Variants in RPS6KA3 observed in about 807,000 individuals in gnomAD.
RPS6KA3 encodes the protein ribosomal protein S6 kinase alpha-3.
RPS6KA3 carries 4 observed loss-of-function variants against 67.2 expected under a neutral mutation model. The observed-to-expected ratio is 0.06, with a 90% CI of 0.03 to 0.14. RPS6KA3 has a LOEUF of 0.14. RPS6KA3 is among the 10% of genes least tolerant of loss of function. The pLI is 1.00. For missense variants in RPS6KA3, 204 were observed against 559.0 expected (o/e 0.36, Z 6.40); for synonymous variants, 182 against 183.7 (o/e 0.99, Z 0.07).
chrX:20,170,070 T>C (rs369780285), intron 15 of RPS6KA3, among the ~76,000 whole-genome samples: 8 of 112,374 alleles, frequency 7.1e-5, no homozygotes, highest in African/African-American at 2.6e-4. Flanking sequence ...AAATCATACC[T>C]AGCATTTTAT....
At chrX:20,181,647 TA>T (rs1034571755) in intron 10 of RPS6KA3, among the ~76,000 whole-genome samples, 2 of 111,539 alleles carry the variant, frequency 1.8e-5, no homozygotes, top group Non-Finnish European at 3.8e-5. Flanking sequence ...CAAGTATGAG[TA>T]GCAAGAACTG....
Position 20,209,320 on chromosome X carries a change from A to G in RPS6KA3, c.211T>C (p.Leu71=). The change falls in exon 3 of 22, where the codon TTA becomes CTA. Residue 71 remains leucine, a synonymous_variant. Transcript: ENST00000379565. The stretch of plus-strand genomic sequence containing the variant: ...AATGATCCCTGCCCTAATACTTTTA[A>G]AAGTTCAAACTGGGAAGGATCTGCC... ...EKADPSQFEL[L]KVLGQGSFGK... is the part of the protein sequence containing the mutation. 1 of 1,194,200 alleles carries G rather than the reference A, an allele frequency of 8.4e-7. No homozygotes were observed.
rs774405280 is a variant in RPS6KA3, at chrX:20,166,713, CTTTTTTTTTTTTT to C, written c.1602+863_1602+875del. On this transcript the variant is annotated intron_variant, in intron 17 of 21. Transcript: ENST00000379565. ...TCTCCTTTCCTCCCAGACTTCCCTT[CTTTTTTTTTTTTT>C]TTTTTTTTTGAGATGGAGTCTCACT... is the stretch of plus-strand genomic sequence containing the variant. 2.5e-5 allele frequency among the ~76,000 whole-genome samples: 2 copies of C among 81,412 alleles called. 1 individual carries two copies. The highest frequency in any genetic ancestry group is 1.0e-4 in the African/African-American group (2 of 19,087). 70.7% of individuals were successfully genotyped at this position (81,412 alleles called of 115,157 possible).
chrX:20,216,187 A>G (rs1356245795), intron 2 of RPS6KA3, among the ~76,000 whole-genome samples: 1 of 111,838 alleles, frequency 8.9e-6, no homozygotes, highest in African/African-American at 3.3e-5. Flanking sequence ...TTATTTTTAC[A>G]AAGACTGTTG....
intron 20 of RPS6KA3, among the ~76,000 whole-genome samples, chrX:20,158,291 G>A (rs186263790): frequency 7.2e-4 from 72 of 99,812 alleles, no homozygotes; most frequent in Non-Finnish European, 1.1e-3. Flanking sequence ...CTAGAGTCCA[G>A]AAGTTGGAGG....
Position 20,152,385 on chromosome X carries a change from T to C in RPS6KA3, c.*3013A>G, listed in dbSNP as rs1336550884. On this transcript the variant is annotated 3_prime_UTR_variant, in exon 22 of 22. Transcript: ENST00000379565. The stretch of plus-strand genomic sequence containing the variant: ...GAAAGGGAAGATACAAAACACATGG[T>C]AGTGTAATTCATACCTTCCAGTACG... The C allele has an allele frequency of 8.9e-6, 1 of 112,679 alleles. No individual in the cohort carries two copies. The highest frequency in any genetic ancestry group is 3.2e-5 in the African/African-American group (1 of 30,941). The allele number at this position is 112,679 out of a possible 1,213,427, so 9.3% of individuals were successfully genotyped here.
intron 2 of RPS6KA3, among the ~76,000 whole-genome samples, chrX:20,227,725 T>C (rs1316461980): frequency 2.7e-5 from 3 of 110,931 alleles, no homozygotes; most frequent in African/African-American, 9.8e-5. Context: ...TTCCACTTAA[T>C]CTAAAAGCAT....
At chrX:20,205,904 T>A (rs2068562695) in intron 3 of RPS6KA3, among the ~76,000 whole-genome samples, 1 of 112,461 alleles carries the variant, frequency 8.9e-6, no homozygotes, top group Non-Finnish European at 1.9e-5. Flanking sequence ...TCACAACCAT[T>A]TGTAATAAAT....
chrX:20,162,253 T>C (rs1017491754), intron 19 of RPS6KA3, among the ~76,000 whole-genome samples: 2 of 107,487 alleles, frequency 1.9e-5, no homozygotes, highest in African/African-American at 3.4e-5. Flanking sequence ...GGAGAATTGC[T>C]TGAACCTGGG....
At chrX:20,191,247 C>A (rs368445788) in intron 7 of RPS6KA3, among the ~76,000 whole-genome samples, 26 of 111,915 alleles carry the variant, frequency 2.3e-4, no homozygotes, top group African/African-American at 8.1e-4. Context: ...ATATGTGCCA[C>A]ATTTTCTTTA....
chrX:20,212,491 G>T (rs188779721), intron 2 of RPS6KA3, among the ~76,000 whole-genome samples: 17 of 110,901 alleles, frequency 1.5e-4, no homozygotes, highest in Admixed American at 4.8e-4. Context: ...ATGAGAGAGA[G>T]ACACCATCTC....
chrX:20,216,466 T>C (rs912964735), intron 2 of RPS6KA3, among the ~76,000 whole-genome samples: 1 of 111,223 alleles, frequency 9.0e-6, no homozygotes, highest in African/African-American at 3.3e-5. Context: ...CCAAAAACTT[T>C]GCCGTTTTGA....
intron 11 of RPS6KA3, 58 bp from the exon 12 acceptor site, chrX:20,176,556 A>G: frequency 2.6e-6 from 2 of 761,564 alleles, no homozygotes; most frequent in Non-Finnish European, 2.0e-6. Context: ...CATATTGCTC[A>G]GCCTTTGTTT....
intron 1 of RPS6KA3, chrX:20,266,209 C>T: frequency 1.1e-5 from 2 of 178,631 alleles, no homozygotes; most frequent in Non-Finnish European, 2.1e-5. Context: ...GGAAAGCCCC[C>T]GACCCGGCTG....
At chrX:20,263,557 G>A (rs1406647959) in intron 1 of RPS6KA3, among the ~76,000 whole-genome samples, 1 of 111,593 alleles carries the variant, frequency 9.0e-6, no homozygotes, top group African/African-American at 3.3e-5. Flanking sequence ...TAACCACAAG[G>A]GTTTTTTTGT....
At chrX:20,174,130 T>C (rs916679844) in intron 14 of RPS6KA3, among the ~76,000 whole-genome samples, 1 of 110,909 alleles carries the variant, frequency 9.0e-6, no homozygotes, top group African/African-American at 3.3e-5. Flanking sequence ...ACAGCCCATA[T>C]AGCCCACAAA....
At chrX:20,220,465 T>G (rs937095765) in intron 2 of RPS6KA3, among the ~76,000 whole-genome samples, 2 of 107,177 alleles carry the variant, frequency 1.9e-5, no homozygotes, top group African/African-American at 3.7e-5. Flanking sequence ...GACAACCGCC[T>G]AACACAGAAT....
rs1569184476 is a variant in RPS6KA3 at position 20,155,372 on chromosome X, G to A, written c.*26C>T. 1 of 1,207,084 alleles carries A rather than the reference G, an allele frequency of 8.3e-7. No homozygotes were observed. Among genetic ancestry groups the A allele is most frequent in the Admixed American group, 2.2e-5 (1 of 45,532 alleles). The stretch of plus-strand genomic sequence containing the variant: ...ACTTGTGCTATCAGCTTACACCATG[G>A]TACCAAATATCTCACTGAGGTCACT... On this transcript the variant is annotated 3_prime_UTR_variant, in exon 22 of 22. Coordinates refer to ENST00000379565, the MANE Select transcript of RPS6KA3 (RefSeq NM_004586.3).
chrX:20,237,337 G>T (rs1008900599), intron 1 of RPS6KA3, among the ~76,000 whole-genome samples: 1 of 111,415 alleles, frequency 9.0e-6, no homozygotes, highest in African/African-American at 3.3e-5. Flanking sequence ...TTGGCGTTTA[G>T]AACCCTCAGT....
Sources: allele counts gnomAD v4.1 joint callset (sites outside exome capture counted in the v4.1 genomes callset), GRCh38; gene constraint gnomAD v4.1.1; transcripts MANE v1.5; gene names NCBI Gene and HGNC (gene_info 2026-07-23, HGNC 2026-07-21).